DLC1: variants seen among roughly 807,000 people sequenced by gnomAD.
The protein encoded by DLC1 is DLC1 Rho GTPase activating protein.
DLC1 carries 54 observed loss-of-function variants against 140.3 expected under a neutral mutation model. That is an observed-to-expected ratio of 0.38 (90% CI 0.31 to 0.48). DLC1 has a LOEUF of 0.48. DLC1 is among the 20% of genes least tolerant of loss of function. The probability of loss-of-function intolerance (pLI) is 0.96; values close to 1 mark genes in which losing one functional copy is unlikely to be tolerated. For synonymous variants in DLC1, 986 were observed against 728.1 expected, an observed-to-expected ratio of 1.35 and a Z score of -5.70; for missense variants, 2,536 against 1,907.0, an observed-to-expected ratio of 1.33 and a Z score of -6.14.
chr8:13,459,461 C>T (rs996591888), intron 2 of DLC1, among the ~76,000 whole-genome samples: 1 of 152,192 alleles, frequency 6.6e-6, no homozygotes, highest in African/African-American at 2.4e-5. Flanking sequence ...TTCCTCGTAG[C>T]TGTATAATGA....
At chr8:13,092,074 G>A (rs1038953505) in intron 13 of DLC1, among the ~76,000 whole-genome samples, 42 of 152,172 alleles carry the variant, frequency 2.8e-4, no homozygotes, top group East Asian at 1.5e-3. Flanking sequence ...GTGAAACCCC[G>A]TCTCTACTAA....
At chr8:13,268,789 C>G (rs1309151986) in intron 5 of DLC1, among the ~76,000 whole-genome samples, 5 of 151,710 alleles carry the variant, frequency 3.3e-5, no homozygotes, top group Admixed American at 6.6e-5. Flanking sequence ...GAAGTGGGGC[C>G]TATAAGTATC....
intron 5 of DLC1, among the ~76,000 whole-genome samples, chr8:13,172,567 A>G (rs1039139774): frequency 6.6e-6 from 1 of 152,250 alleles, no homozygotes; most frequent in African/African-American, 2.4e-5. Flanking sequence ...TAATGCTGCA[A>G]TTCAGACTCA....
chr8:13,410,456 A>C (rs546186904), intron 2 of DLC1, among the ~76,000 whole-genome samples: 1 of 152,276 alleles, frequency 6.6e-6, no homozygotes, highest in East Asian at 1.9e-4. Flanking sequence ...AAAATCCAAG[A>C]GAATAATACG....
intron 5 of DLC1, among the ~76,000 whole-genome samples, chr8:13,219,954 G>C (rs1828460663): frequency 6.6e-6 from 1 of 152,052 alleles, no homozygotes; most frequent in Non-Finnish European, 1.5e-5. Context: ...TCCACTACAT[G>C]AACTATCGAG....
chr8:13,542,627 T>C (rs950024380), intron 1 of DLC1, among the ~76,000 whole-genome samples: 2 of 151,980 alleles, frequency 1.3e-5, no homozygotes, highest in African/African-American at 4.8e-5. Flanking sequence ...TCAATATACA[T>C]GGGAGAGCTA....
intron 5 of DLC1, among the ~76,000 whole-genome samples, chr8:13,264,205 A>G (rs1362547274): frequency 1.3e-5 from 2 of 151,958 alleles, no homozygotes; most frequent in African/African-American, 4.8e-5. Context: ...AGTAGATGGG[A>G]TTACAGGCAG....
chr8:13,223,049 G>GGCCA lies in DLC1; in HGVS notation c.1348+82216_1348+82219dup, dbSNP rs1828633282. Among the ~76,000 whole-genome samples, 5 of 152,250 alleles carry GGCCA rather than the reference G, an allele frequency of 3.3e-5. No homozygotes were observed. The South Asian group carries it at 1.0e-3, about 32-fold the overall frequency. On this transcript the variant is annotated intron_variant, in intron 5 of 17. Transcript: ENST00000276297. ...ATTATAGGTATGAACCACCATGCTT[G>GGCCA]GCCAGACCTTTTTTTGAAATTCTAG... is the stretch of plus-strand genomic sequence containing the variant.
intron 2 of DLC1, among the ~76,000 whole-genome samples, chr8:13,471,124 A>G (rs925885773): frequency 3.9e-5 from 6 of 151,932 alleles, no homozygotes; most frequent in African/African-American, 1.5e-4. Context: ...TGGTGGCTAG[A>G]ATGGTAGTTG....
intron 5 of DLC1, among the ~76,000 whole-genome samples, chr8:13,247,387 T>C (rs1327394243): frequency 6.6e-6 from 1 of 152,222 alleles, no homozygotes; most frequent in East Asian, 1.9e-4. Context: ...GCATGCTCTA[T>C]GCAATTATGG....
intron 5 of DLC1, among the ~76,000 whole-genome samples, chr8:13,195,451 C>T (rs1436140235): frequency 6.6e-6 from 1 of 152,056 alleles, no homozygotes; most frequent in Non-Finnish European, 1.5e-5. Context: ...CAAGTGGAAG[C>T]GAGTGTGAGT....
intron 4 of DLC1, among the ~76,000 whole-genome samples, chr8:13,387,301 T>A (rs80240881): frequency 0.023 from 3,509 of 152,128 alleles, 74 homozygotes; most frequent in South Asian, 0.085. Flanking sequence ...TATCCTTCTG[T>A]TTTGTTTTAA....
At chr8:13,237,057 G>C (rs1260469624) in intron 5 of DLC1, among the ~76,000 whole-genome samples, 1 of 151,856 alleles carries the variant, frequency 6.6e-6, no homozygotes, top group South Asian at 2.1e-4. Context: ...AACTTTTTAT[G>C]ATTATATAAA....
chr8:13,457,698 A>G (rs10096765), intron 2 of DLC1, among the ~76,000 whole-genome samples: 2,424 of 150,110 alleles, frequency 0.016, 74 homozygotes, highest in African/African-American at 0.057. Flanking sequence ...AAAAAAAAAA[A>G]AAAGAAATAA....
intron 1 of DLC1, among the ~76,000 whole-genome samples, chr8:13,581,921 G>T (rs7017946): frequency 0.069 from 10,420 of 151,968 alleles, 450 homozygotes; most frequent in African/African-American, 0.11. Context: ...AGGCAGCTAG[G>T]AAAAAAAATT....
intron 5 of DLC1, among the ~76,000 whole-genome samples, chr8:13,282,707 A>G: frequency 6.6e-6 from 1 of 152,164 alleles, no homozygotes; most frequent in East Asian, 1.9e-4. Flanking sequence ...GCTCAGCATT[A>G]CAGCATAGAA....
At position 13,412,888 on chromosome 8, in the gene DLC1, T is replaced by C. The variant is rs189680009; in HGVS notation, c.1024-11269A>G. On this transcript the variant is annotated intron_variant, in intron 2 of 17. Coordinates refer to ENST00000276297, the MANE Select transcript of DLC1 (RefSeq NM_182643.3). Reference sequence around the variant, plus strand: ...CGGAGCTTGCAGTAAGCTGAGATCGTGCCACTGCACTCCAGTCTGGGCGAC... The same window carrying C: ...CGGAGCTTGCAGTAAGCTGAGATCGCGCCACTGCACTCCAGTCTGGGCGAC... Among the ~76,000 whole-genome samples, 988 of 137,750 alleles carry C rather than the reference T, an allele frequency of 7.2e-3. 12 individuals carry two copies. Among genetic ancestry groups the C allele is most frequent in the African/African-American group, 0.024 (878 of 36,512 alleles). 90.4% of individuals were successfully genotyped at this position (137,750 alleles called of 152,430 possible).
chr8:13,464,510 C>T (rs953821299), intron 2 of DLC1, among the ~76,000 whole-genome samples: 3 of 151,900 alleles, frequency 2.0e-5, no homozygotes, highest in African/African-American at 7.3e-5. Context: ...TTTAATACAT[C>T]AGTTGATACA....
intron 2 of DLC1, among the ~76,000 whole-genome samples, chr8:13,493,335 C>G (rs1266928296): frequency 2.0e-5 from 3 of 152,174 alleles, no homozygotes; most frequent in Non-Finnish European, 4.4e-5. Flanking sequence ...TTCCACATAT[C>G]TTGCTACATT....
Sources: allele counts gnomAD v4.1 joint callset (sites outside exome capture counted in the v4.1 genomes callset), GRCh38; gene constraint gnomAD v4.1.1; transcripts MANE v1.5; gene names NCBI Gene and HGNC (gene_info 2026-07-23, HGNC 2026-07-21).